PLSCR2: variants seen among roughly 807,000 people sequenced by gnomAD.
PLSCR2 encodes the protein PL scramblase 2.
A neutral mutation model predicts 25.3 loss-of-function variants in PLSCR2; 18 were observed. That is an observed-to-expected ratio of 0.71 (90% CI 0.49 to 1.06). The LOEUF (loss-of-function observed/expected upper bound fraction) is 1.06. PLSCR2 is among the 50% of genes least tolerant of loss of function. The pLI is 0.00. For missense variants in PLSCR2, 243 were observed against 269.5 expected, an observed-to-expected ratio of 0.90 and a Z score of 0.69; for synonymous variants, 88 against 87.3, an observed-to-expected ratio of 1.01 and a Z score of -0.04.
chr3:146,437,839 T>C (rs1297762662), downstream of PLSCR2, among the ~76,000 whole-genome samples: 1 of 152,234 alleles, frequency 6.6e-6, no homozygotes, highest in Non-Finnish European at 1.5e-5. Flanking sequence ...TTGCTTTTGC[T>C]TCTCTAGTTC....
At chr3:146,494,595 A>T (rs2043680976) in intron 1 of PLSCR2, 1 of 152,106 alleles carries the variant, frequency 6.6e-6, no homozygotes, top group African/African-American at 2.4e-5. Flanking sequence ...ACATTGTTGT[A>T]TTATTCTTAA....
chr3:146,473,869 G>C (rs1030350518), intron 1 of PLSCR2, among the ~76,000 whole-genome samples: 2 of 152,158 alleles, frequency 1.3e-5, no homozygotes, highest in African/African-American at 4.8e-5. Context: ...GTTTTCCAGG[G>C]ACTTCACTTT....
At chr3:146,425,788 A>T (rs1449429571) in intron 2 of PLSCR2, among the ~76,000 whole-genome samples, 1 of 152,176 alleles carries the variant, frequency 6.6e-6, no homozygotes. Context: ...AGTTAAAGGC[A>T]CTGAAGGGGT....
chr3:146,394,974 T>G (rs1375737453), intron 3 of PLSCR2, among the ~76,000 whole-genome samples: 3 of 152,202 alleles, frequency 2.0e-5, no homozygotes, highest in Non-Finnish European at 4.4e-5. Context: ...AGGTGCCTGC[T>G]TCCCCTTCAC....
intron 6 of PLSCR2, among the ~76,000 whole-genome samples, chr3:146,444,560 T>C (rs536611310): frequency 2.6e-5 from 4 of 152,176 alleles, no homozygotes; most frequent in African/African-American, 9.6e-5. Flanking sequence ...AAATATATAT[T>C]GTCTAGTGTA....
chr3:146,453,926 G>A, intron 5 of PLSCR2, 76 bp downstream of exon 5: 1 of 1,159,468 alleles, frequency 8.6e-7, no homozygotes. Flanking sequence ...ACTAATTTAA[G>A]GCATTCATAA....
intron 6 of PLSCR2, among the ~76,000 whole-genome samples, chr3:146,443,436 T>C (rs1474021082): frequency 6.6e-6 from 1 of 152,034 alleles, no homozygotes; most frequent in Non-Finnish European, 1.5e-5. Context: ...GGCTTTGATC[T>C]TATTACTTAT....
intron 3 of PLSCR2, among the ~76,000 whole-genome samples, chr3:146,392,860 T>TC (rs1367673765): frequency 1.3e-5 from 2 of 151,114 alleles, no homozygotes; most frequent in African/African-American, 2.4e-5. Context: ...CTTTTTTTTT[T>TC]TCCTAACTTT....
intron 1 of PLSCR2, among the ~76,000 whole-genome samples, chr3:146,467,653 T>C (rs2041929043): frequency 6.6e-6 from 1 of 152,016 alleles, no homozygotes; most frequent in Admixed American, 6.6e-5. Context: ...ACAAATGTAT[T>C]TGTACATATA....
chr3:146,431,473 T>C (rs2039543394), downstream of PLSCR2, among the ~76,000 whole-genome samples: 1 of 152,164 alleles, frequency 6.6e-6, no homozygotes, highest in Admixed American at 6.5e-5. Context: ...AAGCAGCAAG[T>C]TGGCCAAGAC....
At chr3:146,403,677 G>T (rs2038555891) in intron 2 of PLSCR2, among the ~76,000 whole-genome samples, 1 of 151,756 alleles carries the variant, frequency 6.6e-6, no homozygotes, top group South Asian at 2.1e-4. Flanking sequence ...TTTAAGTATT[G>T]TCTTAGTTTT....
intron 3 of PLSCR2, among the ~76,000 whole-genome samples, chr3:146,391,916 C>A (rs1385222929): frequency 6.6e-6 from 1 of 152,048 alleles, no homozygotes; most frequent in Non-Finnish European, 1.5e-5. Context: ...TTCAATCAAT[C>A]CCAAAATCTA....
intron 2 of PLSCR2, among the ~76,000 whole-genome samples, chr3:146,427,993 T>C (rs972484835): frequency 5.3e-5 from 8 of 152,296 alleles, no homozygotes; most frequent in African/African-American, 1.7e-4. Flanking sequence ...CAAATGCATT[T>C]ATATGAGTGA....
intron 2 of PLSCR2, among the ~76,000 whole-genome samples, chr3:146,414,515 G>T (rs558018498): frequency 6.6e-6 from 1 of 151,982 alleles, no homozygotes; most frequent in Non-Finnish European, 1.5e-5. Flanking sequence ...TGCCAAAACG[G>T]AAGAGCTTTC....
chr3:146,415,225 C>T (rs1346804749), intron 2 of PLSCR2: 1 of 152,490 alleles, frequency 6.6e-6, no homozygotes, highest in Non-Finnish European at 1.5e-5. Flanking sequence ...ATTTAAAGAA[C>T]ATAACACATA....
intron 2 of PLSCR2, among the ~76,000 whole-genome samples, chr3:146,403,245 C>G (rs12629356): frequency 0.52 from 79,814 of 152,030 alleles, 21,230 homozygotes; most frequent in South Asian, 0.71. Context: ...CCCGGCATAT[C>G]TGTAGAGCTG....
At chr3:146,402,839 C>T (rs1046884143) in intron 2 of PLSCR2, among the ~76,000 whole-genome samples, 2 of 152,060 alleles carry the variant, frequency 1.3e-5, no homozygotes, top group Non-Finnish European at 2.9e-5. Flanking sequence ...AATGATTCTG[C>T]AGGTATTAAA....
intron 2 of PLSCR2, among the ~76,000 whole-genome samples, chr3:146,415,422 T>G: frequency 6.6e-6 from 1 of 152,100 alleles, no homozygotes; most frequent in South Asian, 2.1e-4. Flanking sequence ...TCTCTATTGT[T>G]AACATACTCA....
chr3:146,463,894 A>G, upstream of PLSCR2: 1 of 973,048 alleles, frequency 1.0e-6, no homozygotes, highest in Non-Finnish European at 1.2e-6. Context: ...TTCATAATAT[A>G]GTGAAACTCT....
Sources: gnomAD v4.1 joint callset for allele counts (sites outside exome capture counted in the v4.1 genomes callset) on GRCh38, gnomAD v4.1.1 for gene constraint, MANE v1.5 for transcripts, NCBI Gene and HGNC (gene_info 2026-07-23, HGNC 2026-07-21) for gene names.